OIP5: variants seen among roughly 807,000 people sequenced by gnomAD.
OIP5 encodes Opa interacting protein 5, also known as protein Mis18-beta.
Under a neutral mutation model 20.3 loss-of-function variants are expected in OIP5, and 24 were observed. That is an observed-to-expected ratio of 1.18 (90% CI 0.86 to 1.66). The LOEUF (loss-of-function observed/expected upper bound fraction) is 1.66, where lower values mean the gene tolerates loss of function less well. Ranked by LOEUF, OIP5 falls within the 40% of genes most tolerant of loss-of-function variation. OIP5 has a pLI of 0.00. For synonymous variants in OIP5, 143 were observed against 121.3 expected, an observed-to-expected ratio of 1.18 and a Z score of -1.17; for missense variants, 339 against 289.5, an observed-to-expected ratio of 1.17 and a Z score of -1.24.
intron 3 of OIP5, among the ~76,000 whole-genome samples, chr15:41,319,188 G>A (rs554330335): frequency 2.0e-4 from 30 of 150,020 alleles, no homozygotes; most frequent in African/African-American, 5.9e-4. Flanking sequence ...TTCTCTTGCC[G>A]CAGCCTCCCA....
At chr15:41,315,351 C>G (rs2047783177) in intron 3 of OIP5, among the ~76,000 whole-genome samples, 1 of 151,370 alleles carries the variant, frequency 6.6e-6, no homozygotes, top group Admixed American at 6.6e-5. Flanking sequence ...ATCACTTGAA[C>G]CTGGGAGGCG....
intron 2 of OIP5, among the ~76,000 whole-genome samples, chr15:41,322,622 A>C (rs1397171080): frequency 6.6e-6 from 1 of 152,076 alleles, no homozygotes; most frequent in Non-Finnish European, 1.5e-5. Context: ...GAATTCTATT[A>C]ACAAAATACA....
chr15:41,321,306 G>A (rs908010608), intron 2 of OIP5, among the ~76,000 whole-genome samples: 2 of 149,544 alleles, frequency 1.3e-5, no homozygotes, highest in Admixed American at 1.3e-4. Flanking sequence ...AGGTGGGGGG[G>A]TCAGCCCCCC....
At chr15:41,332,141 C>A in intron 1 of OIP5, 99 bp downstream of exon 1, 1 of 1,404,176 alleles carries the variant, frequency 7.1e-7, no homozygotes, top group Non-Finnish European at 9.8e-7. Flanking sequence ...CTTTTCATCC[C>A]GTTTTCTTCC....
chr15:41,330,723 G>A (rs1272054823), intron 2 of OIP5, among the ~76,000 whole-genome samples: 1 of 152,160 alleles, frequency 6.6e-6, no homozygotes, highest in East Asian at 1.9e-4. Context: ...ATTTGTAAAT[G>A]ATTAATTTTT....
At chr15:41,313,985 T>C (rs2047774639) in intron 3 of OIP5, among the ~76,000 whole-genome samples, 2 of 152,162 alleles carry the variant, frequency 1.3e-5, no homozygotes, top group African/African-American at 4.8e-5. Context: ...CAGGCTCATA[T>C]GAATAATTAC....
At chr15:41,320,161 G>A (rs2047813855) in intron 2 of OIP5, among the ~76,000 whole-genome samples, 1 of 152,130 alleles carries the variant, frequency 6.6e-6, no homozygotes, top group Non-Finnish European at 1.5e-5. Flanking sequence ...AAATAATCAA[G>A]TTGACTGGGG....
chr15:41,321,444 T>C (rs1436599577), intron 2 of OIP5, among the ~76,000 whole-genome samples: 2 of 152,184 alleles, frequency 1.3e-5, no homozygotes, highest in East Asian at 1.9e-4. Flanking sequence ...TCATTGAGAA[T>C]GGGCCATGAT....
At chr15:41,316,775 G>A in intron 3 of OIP5, among the ~76,000 whole-genome samples, 1 of 114,118 alleles carries the variant, frequency 8.8e-6, no homozygotes, top group East Asian at 2.5e-4. Context: ...GGGCGCCACA[G>A]CAAGACTCCA....
rs2047741779 is a variant in OIP5, at chr15:41,309,693, A to G, written c.*61T>C. On this transcript the variant is annotated 3_prime_UTR_variant, in exon 5 of 5. Coordinates refer to ENST00000220514, the MANE Select transcript of OIP5 (RefSeq NM_007280.2). ...AATCTTTTTCAAGAAATGACTAAGC[A>G]GCACCTGTTGTTGAAGACAGCAATA... The G allele has an allele frequency of 1.9e-6, 2 of 1,061,924 alleles. No homozygotes were observed. The highest frequency in any genetic ancestry group is 3.2e-5 in the African/African-American group (2 of 62,858). 65.8% of individuals were successfully genotyped at this position (1,061,924 alleles called of 1,614,324 possible). A position where few individuals can be genotyped will look rare whatever the true frequency, so the allele number is the denominator to read the frequency against.
Position 41,330,655 on chromosome 15 carries a change from G to A in OIP5, c.389+1260C>T, listed in dbSNP as rs573840983. 4.6e-5 allele frequency among the ~76,000 whole-genome samples: 7 copies of A among 152,110 alleles called. No individual in the cohort carries two copies. In the East Asian group the frequency reaches 7.7e-4, roughly 17 times the overall value. ...CCTGACCTTGTGATCCGCCCGCCTC[G>A]GCCTCCCAAAGTGCTGTGATTACAG... On this transcript the variant is annotated intron_variant, in intron 2 of 4. Coordinates refer to ENST00000220514, the MANE Select transcript of OIP5 (RefSeq NM_007280.2).
At chr15:41,317,581 C>T (rs927617069) in intron 3 of OIP5, among the ~76,000 whole-genome samples, 1 of 151,924 alleles carries the variant, frequency 6.6e-6, no homozygotes, top group African/African-American at 2.4e-5. Flanking sequence ...CGGGGTTTCC[C>T]ATGTTGGCCA....
intron 2 of OIP5, among the ~76,000 whole-genome samples, chr15:41,324,897 C>A (rs2047852211): frequency 6.6e-6 from 1 of 152,136 alleles, no homozygotes; most frequent in Non-Finnish European, 1.5e-5. Context: ...GCAACTTTTT[C>A]TTTCACTTGA....
intron 4 of OIP5, among the ~76,000 whole-genome samples, chr15:41,310,829 CTT>C (rs1279899834): frequency 6.6e-6 from 1 of 152,142 alleles, no homozygotes; most frequent in Non-Finnish European, 1.5e-5. Context: ...GCCTCTCTGA[CTT>C]TAACATTCTA....
Position 41,331,178 on chromosome 15 carries a change from C to A in OIP5, c.389+737G>T, listed in dbSNP as rs145765103. ...TTGTCTCAATGTTAAAGCCAAAACT[C>A]AAAATTGAGGAGCCTTGCAATACCA... On this transcript the variant is annotated intron_variant, in intron 2 of 4. Transcript: ENST00000220514. 1.2e-3 allele frequency among the ~76,000 whole-genome samples: 183 copies of A among 152,290 alleles called. 1 individual carries two copies. The highest frequency in any genetic ancestry group is 1.6e-3 in the Non-Finnish European group (111 of 68,022).
At chr15:41,313,493 C>G (rs2047772037) in intron 3 of OIP5, 139 bp from the exon 4 acceptor site, 4 of 581,532 alleles carry the variant, frequency 6.9e-6, no homozygotes, top group Non-Finnish European at 1.2e-5. Context: ...CATGATGTTA[C>G]AGTTGGCCCA....
intron 2 of OIP5, among the ~76,000 whole-genome samples, chr15:41,321,810 T>C (rs1450082528): frequency 2.0e-5 from 3 of 150,698 alleles, no homozygotes; most frequent in African/African-American, 7.3e-5. Context: ...GTCCTCTGCC[T>C]AGGAAAACCA....
At position 41,326,762 on chromosome 15, in the gene OIP5, G is replaced by A. The variant is rs570730504; in HGVS notation, c.389+5153C>T. Reference sequence around the variant, plus strand: ...ACAATCTTACCACAGTAGGTACTACGTCTCTAACCATCCGTGCTGAGCTGC... The same window carrying A: ...ACAATCTTACCACAGTAGGTACTACATCTCTAACCATCCGTGCTGAGCTGC... On this transcript the variant is annotated intron_variant, in intron 2 of 4. Coordinates refer to ENST00000220514, the MANE Select transcript of OIP5 (RefSeq NM_007280.2). 5.7e-4 allele frequency among the ~76,000 whole-genome samples: 87 copies of A among 152,204 alleles called. 1 individual carries two copies. The South Asian group carries it at 0.014, about 25-fold the overall frequency.
intron 3 of OIP5, among the ~76,000 whole-genome samples, chr15:41,313,587 A>G (rs2047772551): frequency 6.6e-6 from 1 of 152,220 alleles, no homozygotes; most frequent in African/African-American, 2.4e-5. Flanking sequence ...TTGTGTCTGT[A>G]CTGAACAGGT....
Sources: gnomAD v4.1 joint callset for allele counts (sites outside exome capture counted in the v4.1 genomes callset) on GRCh38, gnomAD v4.1.1 for gene constraint, MANE v1.5 for transcripts, NCBI Gene and HGNC (gene_info 2026-07-23, HGNC 2026-07-21) for gene names.